The following GFOD1 variants were observed in gnomAD, a reference collection of about 807,000 sequenced individuals.
The protein encoded by GFOD1 is glucose-fructose oxidoreductase domain-containing protein 1.
Under a neutral mutation model 25.4 loss-of-function variants are expected in GFOD1, and 9 were observed. The observed-to-expected ratio is 0.35, with a 90% CI of 0.21 to 0.62. GFOD1 has a LOEUF of 0.62. GFOD1 is among the 20% of genes least tolerant of loss of function. The probability of loss-of-function intolerance (pLI) is 0.72; values close to 1 mark genes in which losing one functional copy is unlikely to be tolerated. For missense variants in GFOD1, 403 were observed against 556.9 expected (o/e 0.72, Z 2.78); for synonymous variants, 253 against 245.6 (o/e 1.03, Z -0.28).
chr6:13,373,921 T>C (rs1340644060), intron 1 of GFOD1, among the ~76,000 whole-genome samples: 1 of 152,140 alleles, frequency 6.6e-6, no homozygotes, highest in African/African-American at 2.4e-5. Flanking sequence ...TCCCCGATTT[T>C]CAATCCCCAT....
chr6:13,374,269 TTTTTTG>T (rs1163379553), intron 1 of GFOD1, among the ~76,000 whole-genome samples: 8 of 121,876 alleles, frequency 6.6e-5, no homozygotes, highest in Non-Finnish European at 9.8e-5. Flanking sequence ...AATATGTTTT[TTTTTTG>T]TGTGTGTGTG....
chr6:13,376,348 C>T (rs1785256289), intron 1 of GFOD1, among the ~76,000 whole-genome samples: 1 of 152,072 alleles, frequency 6.6e-6, no homozygotes, highest in Admixed American at 6.6e-5. Flanking sequence ...TCCAAAATAG[C>T]CAAATGACAA....
At chr6:13,396,928 G>T (rs1257177745) in intron 1 of GFOD1, among the ~76,000 whole-genome samples, 2 of 152,164 alleles carry the variant, frequency 1.3e-5, no homozygotes, top group African/African-American at 2.4e-5. Context: ...ACAACAGCAA[G>T]GGAAACTCAT....
At chr6:13,480,190 G>A (rs1186276559) in intron 1 of GFOD1, among the ~76,000 whole-genome samples, 2 of 152,164 alleles carry the variant, frequency 1.3e-5, no homozygotes, top group Non-Finnish European at 2.9e-5. Context: ...CAAGATCAAT[G>A]TGCAGCAAGA....
At chr6:13,460,923 A>G (rs1465117426) in intron 1 of GFOD1, among the ~76,000 whole-genome samples, 1 of 152,078 alleles carries the variant, frequency 6.6e-6, no homozygotes, top group African/African-American at 2.4e-5. Context: ...GAGTTTGCCA[A>G]TTTTTGCCCT....
intron 1 of GFOD1, among the ~76,000 whole-genome samples, chr6:13,395,799 C>T (rs1172157025): frequency 1.3e-5 from 2 of 152,214 alleles, no homozygotes; most frequent in Non-Finnish European, 2.9e-5. Context: ...CCACCGTGCA[C>T]CAGTTAGTTC....
In GFOD1 at chr6:13,458,845, T is replaced by G. The variant is rs528466344; in HGVS notation, c.253+27793A>C. Among the ~76,000 whole-genome samples, 10 of 137,676 alleles carry G rather than the reference T, an allele frequency of 7.3e-5. 1 individual carries two copies. The Admixed American group carries it at 7.8e-4, about 11-fold the overall frequency. 90.3% of individuals were successfully genotyped at this position (137,676 alleles called of 152,430 possible). ...TTTCTTGTAAGAAGTGATGATGGAA[T>G]AGTGAGAAGAGAAGCCTAAAGAACA... On this transcript the variant is annotated intron_variant, in intron 1 of 1. Transcript: ENST00000379287.
intron 1 of GFOD1, chr6:13,470,591 T>C: frequency 6.7e-7 from 1 of 1,502,750 alleles, no homozygotes; most frequent in African/African-American, 1.4e-5. Flanking sequence ...TTCCCCAGTA[T>C]TTTTCTGTCT....
chr6:13,436,012 A>T (rs1757826692), intron 1 of GFOD1, among the ~76,000 whole-genome samples: 1 of 152,214 alleles, frequency 6.6e-6, no homozygotes, highest in East Asian at 1.9e-4. Context: ...CAGAAATGAA[A>T]CCCAATTTGC....
At chr6:13,440,281 C>T (rs1239357226) in intron 1 of GFOD1, among the ~76,000 whole-genome samples, 4 of 151,992 alleles carry the variant, frequency 2.6e-5, no homozygotes, top group Non-Finnish European at 5.9e-5. Context: ...CCTCTGCCGC[C>T]AGGTTCAAGC....
chr6:13,444,206 C>A (rs142594048), intron 1 of GFOD1, among the ~76,000 whole-genome samples: 17 of 152,182 alleles, frequency 1.1e-4, no homozygotes, highest in Middle Eastern at 3.4e-3. Context: ...ATGTATTTTG[C>A]GGGAACATGG....
intron 1 of GFOD1, chr6:13,470,375 G>A: frequency 6.5e-7 from 1 of 1,550,244 alleles, no homozygotes; most frequent in Non-Finnish European, 8.7e-7. Flanking sequence ...TGGTCCCCGT[G>A]GGCCTCCAGG....
chr6:13,424,244 T>G (rs1163229689), intron 1 of GFOD1, among the ~76,000 whole-genome samples: 1 of 152,162 alleles, frequency 6.6e-6, no homozygotes, highest in African/African-American at 2.4e-5. Context: ...TGGCCAAAAA[T>G]TTTGCCTCTA....
At chr6:13,381,920 C>T (rs1435720990) in intron 1 of GFOD1, among the ~76,000 whole-genome samples, 1 of 51,932 alleles carries the variant, frequency 1.9e-5, no homozygotes, top group Non-Finnish European at 3.7e-5. Context: ...CGCGCGCACA[C>T]ACACACACAC....
chr6:13,420,700 T>A (rs1786240840), intron 1 of GFOD1, among the ~76,000 whole-genome samples: 1 of 152,234 alleles, frequency 6.6e-6, no homozygotes, highest in Non-Finnish European at 1.5e-5. Context: ...TATCTTAAAT[T>A]AACAAGACTT....
At chr6:13,452,568 C>T (rs528831195) in intron 1 of GFOD1, among the ~76,000 whole-genome samples, 9 of 152,306 alleles carry the variant, frequency 5.9e-5, no homozygotes, top group African/African-American at 2.2e-4. Context: ...CTCGCTGTGT[C>T]CTCACAGCAA....
chr6:13,486,409 G>A (rs900318876), intron 1 of GFOD1: 2 of 605,042 alleles, frequency 3.3e-6, no homozygotes, highest in African/African-American at 3.7e-5. Context: ...CACACGTGGG[G>A]AAGCGCGTCC....
chr6:13,445,107 A>T (rs1757982275), intron 1 of GFOD1, among the ~76,000 whole-genome samples: 1 of 152,188 alleles, frequency 6.6e-6, no homozygotes, highest in Non-Finnish European at 1.5e-5. Flanking sequence ...GGCAGGGACT[A>T]AACACGGCAA....
chr6:13,448,912 T>C (rs1417614504), intron 1 of GFOD1, among the ~76,000 whole-genome samples: 1 of 152,106 alleles, frequency 6.6e-6, no homozygotes, highest in African/African-American at 2.4e-5. Flanking sequence ...ATTTTAACGC[T>C]GGAATACAGA....
Sources: allele counts gnomAD v4.1 joint callset (sites outside exome capture counted in the v4.1 genomes callset), GRCh38; gene constraint gnomAD v4.1.1; transcripts MANE v1.5; gene names NCBI Gene and HGNC (gene_info 2026-07-23, HGNC 2026-07-21).